The following ABHD11 variants were observed in gnomAD, a reference collection of about 807,000 sequenced individuals.
ABHD11 encodes the protein abhydrolase domain containing 11.
ABHD11 carries 26 observed loss-of-function variants against 29.0 expected under a neutral mutation model. The ratio of observed to expected loss-of-function variants is 0.90; its 90% CI spans 0.66 to 1.24. The LOEUF is 1.24. ABHD11 is among the 50% of genes most tolerant of loss of function. The probability of loss-of-function intolerance (pLI) is 0.00; values close to 1 mark genes in which losing one functional copy is unlikely to be tolerated. For missense variants in ABHD11, 381 were observed against 422.4 expected, an observed-to-expected ratio of 0.90 and a Z score of 0.86; for synonymous variants, 169 against 166.4, an observed-to-expected ratio of 1.02 and a Z score of -0.12.
At chr7:73,738,598 G>A (rs1431259886) in intron 1 of ABHD11, 48 bp downstream of exon 1, 3 of 1,571,840 alleles carry the variant, frequency 1.9e-6, no homozygotes, top group Non-Finnish European at 2.6e-6. Context: ...GGGCCCGGCA[G>A]GAAAAGGAGG....
At position 73,737,280 on chromosome 7, in the gene ABHD11, C is replaced by G. The variant is rs782496809; in HGVS notation, c.547G>C (p.Glu183Gln). 1.8e-5 allele frequency: 29 copies of G among 1,614,160 alleles called. No individual in the cohort carries two copies. The East Asian group carries it at 6.0e-4, about 33-fold the overall frequency. ...TTTCGGGCACGGGAGCGGGGCAGCT[C>G]ATCTGCGATGTTGATGGCCCTCATG... ...AAMRAINIAD[E>Q]LPRSRARKLA... The change falls in exon 4 of 6, where the codon GAG (glutamate) becomes CAG (glutamine). Residue 183 changes from glutamate (E) to glutamine (Q), a missense_variant. Coordinates refer to ENST00000222800, the MANE Select transcript of ABHD11 (RefSeq NM_148912.4).
intron 4 of ABHD11, 55 bp from the exon 5 acceptor site, chr7:73,737,165 C>T (rs1554622128): frequency 6.2e-7 from 1 of 1,613,592 alleles, no homozygotes; most frequent in Non-Finnish European, 8.5e-7. Context: ...GGGTGCCACT[C>T]TTCCCTTGAC....
intron 4 of ABHD11, 25 bp downstream of exon 4, chr7:73,737,196 A>G (rs1554622138): frequency 1.2e-6 from 2 of 1,613,870 alleles, no homozygotes; most frequent in South Asian, 1.1e-5. Flanking sequence ...CTACAATACC[A>G]TCCGGGGCAC....
intron 2 of ABHD11, 48 bp downstream of exon 2, chr7:73,738,280 C>CCCA: frequency 7.0e-7 from 1 of 1,438,080 alleles, no homozygotes; most frequent in Non-Finnish European, 9.6e-7. Context: ...TCAGGCCCCG[C>CCCA]CCACTCCCGC....
chr7:73,737,860 G>A (rs1800081903), intron 2 of ABHD11, 125 bp from the exon 3 acceptor site: 5 of 1,406,416 alleles, frequency 3.6e-6, no homozygotes, highest in Non-Finnish European at 4.8e-6. Flanking sequence ...GGAGGGGAAG[G>A]GCCCAGTTTC....
rs138324804 is a variant in ABHD11 at position 73,738,756 on chromosome 7, G to T, written c.15C>A (p.Thr5=). The T allele has an allele frequency of 2.2e-3, 3,470 of 1,608,872 alleles. 8 individuals carry two copies. The highest frequency in any genetic ancestry group is 2.8e-3 in the Non-Finnish European group (3,245 of 1,177,528). The change falls in exon 1 of 6, where the codon ACC becomes ACA. Residue 5 remains threonine (T), a synonymous_variant. Transcript: ENST00000222800. MLRW[T]RAWRLPREGL... ...CCTCACGCGGGAGCCTCCAGGCTCG[G>T]GTCCAGCGGAGCATGCTTGCAAGCT...
Position 73,737,321 on chromosome 7 carries a change from G to A in ABHD11, c.506C>T (p.Ala169Val), listed in dbSNP as rs1168568361. 1.9e-6 allele frequency: 3 copies of A among 1,614,014 alleles called. No individual in the cohort carries two copies. Among genetic ancestry groups the A allele is most frequent in the South Asian group, 1.1e-5 (1 of 91,092 alleles). Residue 169 changes from alanine to valine, a missense_variant, in exon 4 of 6, where the codon GCA (alanine) becomes GTA (valine). Physicochemically the swap from Ala to Val is moderately conservative, Grantham distance 64. Transcript: ENST00000222800. The stretch of plus-strand genomic sequence containing the variant: ...GGCCCTCATGGCTGCCACATAGGTT[G>A]CAAAGTGGGAGACACCTGTGCTTTC... ...PVESTGVSHF[A>V]TYVAAMRAIN...
chr7:73,737,244 C>G lies in ABHD11; in HGVS notation c.583G>C (p.Glu195Gln), dbSNP rs1554622188. 1 of 1,614,114 alleles carries G rather than the reference C, an allele frequency of 6.2e-7. No homozygotes were observed. The highest frequency in any genetic ancestry group is 8.5e-7 in the Non-Finnish European group (1 of 1,180,034). Residue 195 changes from glutamate (E) to glutamine (Q), a missense_variant, in exon 4 of 6, where the codon GAA (glutamate) becomes CAA (glutamine). By Grantham distance (29) the Glu-to-Gln change is conservative. Coordinates refer to ENST00000222800, the MANE Select transcript of ABHD11 (RefSeq NM_148912.4). ...ACCTGGATGACAGAACTGAGCTGTT[C>G]ATCCGCCAGTTTTCGGGCACGGGAG... ...PRSRARKLAD[E>Q]QLSSVIQDMA...
rs1799879194 is a variant in ABHD11 at position 73,736,456 on chromosome 7, T to G, written c.*103A>C. On this transcript the variant is annotated 3_prime_UTR_variant, in exon 6 of 6. Coordinates refer to ENST00000222800, the MANE Select transcript of ABHD11 (RefSeq NM_148912.4). ...GGTTTCACCATGTTGGCCAGGCTGG[T>G]CTCCAACTCCTGGCCTCAAGTCATC... 6.8e-7 allele frequency: 1 copy of G among 1,474,506 alleles called. No homozygotes were observed. The highest frequency in any genetic ancestry group is 1.8e-5 in the Admixed American group (1 of 55,040). 91.3% of individuals were successfully genotyped at this position (1,474,506 alleles called of 1,614,324 possible). A position where few individuals can be genotyped will look rare whatever the true frequency, so the allele number is the denominator to read the frequency against.
In ABHD11 at chr7:73,738,788, C is replaced by T. The variant is rs1363322696; in HGVS notation, c.-18G>A. ...CGGAGCATGCTTGCAAGCTGTTGGC[C>T]GGCTCGCATCTCACAAGGTACGTCC... On this transcript the variant is annotated 5_prime_UTR_variant, in exon 1 of 6. Transcript: ENST00000222800. 2 of 1,593,140 alleles carry T rather than the reference C, an allele frequency of 1.3e-6. No homozygotes were observed. The highest frequency in any genetic ancestry group is 1.3e-5 in the African/African-American group (1 of 74,244).
chr7:73,737,643 C>A lies in ABHD11; in HGVS notation c.354G>T (p.Leu118=), dbSNP rs1563599534. The change falls in exon 3 of 6, where the codon CTG becomes CTT. Residue 118 remains leucine, a synonymous_variant. Coordinates refer to ENST00000222800, the MANE Select transcript of ABHD11 (RefSeq NM_148912.4). The part of the protein sequence containing the change: ...EIMSQDLQDL[L]PQLGLVPCVV... ...CGCAGGGCACCAGGCCCAGCTGGGGCAGAAGGTCCTGCAGGTCCTGGCTCA... is the reference window on the plus strand; with the variant it reads ...CGCAGGGCACCAGGCCCAGCTGGGGAAGAAGGTCCTGCAGGTCCTGGCTCA... 6.2e-7 allele frequency: 1 copy of A among 1,614,120 alleles called. No individual in the cohort carries two copies. Among genetic ancestry groups the A allele is most frequent in the Non-Finnish European group, 8.5e-7 (1 of 1,180,008 alleles).
chr7:73,736,622 G>A lies in ABHD11; in HGVS notation c.858C>T (p.Gly286=), dbSNP rs782788654. The A allele has an allele frequency of 1.9e-6, 3 of 1,614,060 alleles. No individual in the cohort carries two copies. Among genetic ancestry groups the A allele is most frequent in the South Asian group, 2.2e-5 (2 of 91,082 alleles). Residue 286 remains glycine (G), a synonymous_variant, in exon 6 of 6, where the codon GGC becomes GGT. Coordinates refer to ENST00000222800, the MANE Select transcript of ABHD11 (RefSeq NM_148912.4). ...RAQMQTVPNA[G]HWIHADRPQD... is the part of the protein sequence containing the mutation. ...GTGGGCGGTCAGCGTGGATCCAGTG[G>A]CCAGCGTTCGGCACCGTCTGCATCT...
chr7:73,736,469 G>A lies in ABHD11; in HGVS notation c.*90C>T, dbSNP rs1799880642. On this transcript the variant is annotated 3_prime_UTR_variant, in exon 6 of 6. Coordinates refer to ENST00000222800, the MANE Select transcript of ABHD11 (RefSeq NM_148912.4). ...TGGCCAGGCTGGTCTCCAACTCCTG[G>A]CCTCAAGTCATCCTCCCGCCTTAGC... 2 of 1,539,422 alleles carry A rather than the reference G, an allele frequency of 1.3e-6. No homozygotes were observed. The highest frequency in any genetic ancestry group is 1.8e-6 in the Non-Finnish European group (2 of 1,133,226).
chr7:73,736,102 T>C lies in ABHD11; in HGVS notation c.*457A>G. On this transcript the variant is annotated 3_prime_UTR_variant, in exon 6 of 6. Coordinates refer to ENST00000222800, the MANE Select transcript of ABHD11 (RefSeq NM_148912.4). ...AGACCTCAGCCCAGGACTTTGGGAG[T>C]AGTGTCTTTATTCATTAAAGCCTGA... The C allele has an allele frequency of 2.2e-6, 1 of 456,394 alleles. No homozygotes were observed. The highest frequency in any genetic ancestry group is 1.5e-5 in the South Asian group (1 of 64,542). The allele number at this position is 456,394 out of a possible 1,614,324, so 28.3% of individuals were successfully genotyped here. A position where few individuals can be genotyped will look rare whatever the true frequency, so the allele number is the denominator to read the frequency against.
intron 5 of ABHD11, 53 bp downstream of exon 5, chr7:73,736,876 G>A: frequency 5.7e-6 from 9 of 1,590,932 alleles, no homozygotes; most frequent in Non-Finnish European, 7.7e-6. Flanking sequence ...GGGTCCCCAG[G>A]CTGGGGCCTG....
Position 73,737,318 on chromosome 7 carries a change from G to C in ABHD11, c.509C>G (p.Thr170Ser), listed in dbSNP as rs1421496396. ...VESTGVSHFA[T>S]YVAAMRAINI... The stretch of plus-strand genomic sequence containing the variant: ...GATGGCCCTCATGGCTGCCACATAG[G>C]TTGCAAAGTGGGAGACACCTGTGCT... The change falls in exon 4 of 6, where the codon ACC becomes AGC. Residue 170 changes from threonine to serine, a missense_variant. Coordinates refer to ENST00000222800, the MANE Select transcript of ABHD11 (RefSeq NM_148912.4). 7.4e-6 allele frequency: 12 copies of C among 1,613,934 alleles called. No individual in the cohort carries two copies. Among genetic ancestry groups the C allele is most frequent in the Non-Finnish European group, 1.0e-5 (12 of 1,180,048 alleles).
Position 73,737,053 on chromosome 7 carries a change from C to A in ABHD11, c.664G>T (p.Val222Leu), listed in dbSNP as rs1209259762. The change falls in exon 5 of 6, where the codon GTG becomes TTG. Residue 222 changes from valine to leucine, a missense_variant. Val to Leu is a conservative substitution (Grantham distance 32). Coordinates refer to ENST00000222800, the MANE Select transcript of ABHD11 (RefSeq NM_148912.4). ...AGGGCATCCAAGTTCACCCTCCACACGAAGCGCCCGTCTACCTCTACCAGG... is the reference window on the plus strand; with the variant it reads ...AGGGCATCCAAGTTCACCCTCCACAAGAAGCGCCCGTCTACCTCTACCAGG... ...TNLVEVDGRF[V>L]WRVNLDALTQ... is the part of the protein sequence containing the mutation. 3 of 1,613,986 alleles carry A rather than the reference C, an allele frequency of 1.9e-6. No individual in the cohort carries two copies. The highest frequency in any genetic ancestry group is 1.3e-5 in the African/African-American group (1 of 74,910).
In ABHD11 at chr7:73,738,317, C is replaced by G; in HGVS notation, c.261+11G>C. 2 of 1,573,016 alleles carry G rather than the reference C, an allele frequency of 1.3e-6. No homozygotes were observed. The highest frequency in any genetic ancestry group is 2.2e-5 in the South Asian group (2 of 90,168). On this transcript the variant is annotated intron_variant, in intron 2 of 5. Transcript: ENST00000222800. ...CAGCCCCAAAGGAGCCCCGCCCACT[C>G]GAAAGCTCACCCTACGGCCTGTCTG...
At position 73,737,115 on chromosome 7, in the gene ABHD11, G is replaced by C; in HGVS notation, c.607-5C>G. On this transcript the variant is annotated splice_region_variant and splice_polypyrimidine_tract_variant and intron_variant, in intron 4 of 5. Transcript: ENST00000222800. ...GTGCTGCCGCACGGCCATGTCCTGTGGGGGTGCAGCAGTTGGGGGAGGTTC... is the reference window on the plus strand; with the variant it reads ...GTGCTGCCGCACGGCCATGTCCTGTCGGGGTGCAGCAGTTGGGGGAGGTTC... 1 of 1,613,804 alleles carries C rather than the reference G, an allele frequency of 6.2e-7. No homozygotes were observed. The highest frequency in any genetic ancestry group is 8.5e-7 in the Non-Finnish European group (1 of 1,180,022).
Sources: gnomAD v4.1 joint callset for allele counts on GRCh38, gnomAD v4.1.1 for gene constraint, MANE v1.5 for transcripts, NCBI Gene and HGNC (gene_info 2026-07-23, HGNC 2026-07-21) for gene names.